Variants in FANCC observed in about 807,000 individuals in gnomAD.
FANCC encodes the protein Fanconi anemia group C protein.
Under a neutral mutation model 71.3 loss-of-function variants are expected in FANCC, and 55 were observed. The observed-to-expected ratio is 0.77, with a 90% CI of 0.62 to 0.97. FANCC has a LOEUF of 0.97. FANCC is among the 50% of genes least tolerant of loss of function. FANCC has a pLI of 0.00. For missense variants in FANCC, 678 were observed against 670.9 expected, an observed-to-expected ratio of 1.01 and a Z score of -0.12; for synonymous variants, 275 against 244.9, an observed-to-expected ratio of 1.12 and a Z score of -1.15.
At chr9:95,161,833 TTTTCTTTTC>T (rs1397438380) in intron 6 of FANCC, among the ~76,000 whole-genome samples, 17 of 72,004 alleles carry the variant, frequency 2.4e-4, no homozygotes, top group Non-Finnish European at 4.7e-4. Context: ...TTTCTGCTTC[TTTTCTTTTC>T]TTTTTTTTTT....
At chr9:95,109,286 T>C (rs2071717599) in intron 13 of FANCC, among the ~76,000 whole-genome samples, 1 of 152,210 alleles carries the variant, frequency 6.6e-6, no homozygotes. Context: ...ATTTGGCCAG[T>C]AGCCTTACTA....
chr9:95,133,413 T>A (rs750074329), intron 8 of FANCC, among the ~76,000 whole-genome samples: 3 of 152,266 alleles, frequency 2.0e-5, no homozygotes, highest in Non-Finnish European at 4.4e-5. Flanking sequence ...TCTGCACACA[T>A]GATCCCGATA....
At chr9:95,174,398 T>C (rs1417432994) in intron 4 of FANCC, among the ~76,000 whole-genome samples, 1 of 152,166 alleles carries the variant, frequency 6.6e-6, no homozygotes, top group Non-Finnish European at 1.5e-5. Flanking sequence ...ACATGGGTGA[T>C]TAAGTTTCAA....
intron 1 of FANCC, among the ~76,000 whole-genome samples, chr9:95,295,376 ACAAAG>A (rs1418620680): frequency 1.3e-5 from 2 of 151,994 alleles, no homozygotes; most frequent in Non-Finnish European, 2.9e-5. Flanking sequence ...ACAAAACAAA[ACAAAG>A]CAAAACAAAA....
rs540752415 is a variant in FANCC, at chr9:95,144,350, G to A, written c.686+5573C>T. Among the ~76,000 whole-genome samples the A allele has an allele frequency of 2.0e-5, 3 of 152,318 alleles. No individual in the cohort carries two copies. The South Asian group carries it at 6.2e-4, about 32-fold the overall frequency. ...TGGACAGTCTGTCCCTTATGGATTA[G>A]CAGACATAACTTTCCAAACCAAATA... On this transcript the variant is annotated intron_variant, in intron 7 of 14. Coordinates refer to ENST00000289081, the MANE Select transcript of FANCC (RefSeq NM_000136.3).
At chr9:95,150,697 A>G (rs1212825383) in intron 6 of FANCC, among the ~76,000 whole-genome samples, 2 of 152,222 alleles carry the variant, frequency 1.3e-5, no homozygotes, top group African/African-American at 4.8e-5. Context: ...TGTAGAGAAT[A>G]AGCAATGTCT....
intron 13 of FANCC, chr9:95,109,714 C>G (rs2071756207): frequency 1.3e-5 from 2 of 152,252 alleles, no homozygotes; most frequent in African/African-American, 4.8e-5. Flanking sequence ...CCAGGCCCAG[C>G]ACACGATGCG....
intron 6 of FANCC, among the ~76,000 whole-genome samples, chr9:95,170,396 C>CA (rs1263047970): frequency 0.25 from 26,719 of 108,498 alleles, 2,882 homozygotes; most frequent in Non-Finnish European, 0.32. Context: ...AATAGCTTTA[C>CA]AAAAAAAAAA....
At chr9:95,133,189 C>T (rs1588127736) in intron 8 of FANCC, among the ~76,000 whole-genome samples, 4 of 152,240 alleles carry the variant, frequency 2.6e-5, no homozygotes, top group East Asian at 3.8e-4. Flanking sequence ...ACGTCACAGG[C>T]CTATTGCGGC....
intron 11 of FANCC, among the ~76,000 whole-genome samples, chr9:95,116,024 G>A (rs1186987734): frequency 1.3e-5 from 2 of 152,216 alleles, no homozygotes; most frequent in African/African-American, 4.8e-5. Flanking sequence ...CTAGGAACTA[G>A]CACAAGAGGT....
chr9:95,214,513 A>C (rs771545927), intron 4 of FANCC, among the ~76,000 whole-genome samples: 1 of 152,202 alleles, frequency 6.6e-6, no homozygotes, highest in Non-Finnish European at 1.5e-5. Context: ...TTATACTTAA[A>C]AGAACTGAAA....
At chr9:95,115,687 G>A (rs141542777) in intron 11 of FANCC, among the ~76,000 whole-genome samples, 45 of 152,314 alleles carry the variant, frequency 3.0e-4, no homozygotes, top group African/African-American at 1.1e-3. Context: ...CACAAGGAAG[G>A]TAAGGCGAGT....
chr9:95,244,701 A>AAC (rs1830847292), intron 3 of FANCC, among the ~76,000 whole-genome samples: 9 of 149,542 alleles, frequency 6.0e-5, no homozygotes, highest in African/African-American at 1.7e-4. Flanking sequence ...AAAAAAAAAA[A>AAC]AAAAAAAAAA....
chr9:95,292,717 C>T (rs1834120654), intron 1 of FANCC: 10 of 1,326,014 alleles, frequency 7.5e-6, no homozygotes, highest in South Asian at 2.3e-5. Flanking sequence ...AAAACTGTAC[C>T]GAAATTCTAC....
chr9:95,278,157 C>T (rs537544910), intron 1 of FANCC, among the ~76,000 whole-genome samples: 3 of 152,166 alleles, frequency 2.0e-5, no homozygotes, highest in South Asian at 4.1e-4. Context: ...AGTAACTACA[C>T]ATGTTAAAGT....
chr9:95,316,241 C>T (rs979058769), intron 1 of FANCC, among the ~76,000 whole-genome samples: 1 of 152,144 alleles, frequency 6.6e-6, no homozygotes, highest in African/African-American at 2.4e-5. Flanking sequence ...TTCGATGCAG[C>T]CTTTCTTGTA....
At chr9:95,269,599 A>G (rs1832602705) in intron 1 of FANCC, among the ~76,000 whole-genome samples, 1 of 152,354 alleles carries the variant, frequency 6.6e-6, no homozygotes. Context: ...CTGAAGGCAA[A>G]GAGCGGGTTC....
intron 4 of FANCC, among the ~76,000 whole-genome samples, chr9:95,211,204 TG>T (rs1444222543): frequency 6.6e-6 from 1 of 152,210 alleles, no homozygotes; most frequent in Non-Finnish European, 1.5e-5. Context: ...GCTTTCTGCC[TG>T]GGTGCACTTT....
chr9:95,100,971 T>C lies in FANCC; in HGVS notation c.*736A>G, dbSNP rs887127195. On this transcript the variant is annotated 3_prime_UTR_variant, in exon 15 of 15. Transcript: ENST00000289081. ...AGGAATTTCCAATTCCCATTTCCAT[T>C]TAACAAGAGAACTAACTAACTGAAT... 4 of 232,680 alleles carry C rather than the reference T, an allele frequency of 1.7e-5. No homozygotes were observed. Among genetic ancestry groups the C allele is most frequent in the Non-Finnish European group, 3.4e-5 (4 of 118,120 alleles). 14.4% of individuals were successfully genotyped at this position (232,680 alleles called of 1,614,324 possible).
Sources: allele counts gnomAD v4.1 joint callset (sites outside exome capture counted in the v4.1 genomes callset), GRCh38; gene constraint gnomAD v4.1.1; transcripts MANE v1.5; gene names NCBI Gene and HGNC (gene_info 2026-07-23, HGNC 2026-07-21).